Variants in NTRK1 observed in about 807,000 individuals in gnomAD.
NTRK1 encodes high affinity nerve growth factor receptor.
In NTRK1, 62 loss-of-function variants were observed where a neutral mutation model predicts 86.8. The observed-to-expected ratio is 0.71, with a 90% confidence interval of 0.58 to 0.88. NTRK1 has a LOEUF of 0.88. Among genes scored for constraint, NTRK1 ranks in the 40% least tolerant of loss-of-function variants. The pLI is 0.00. For synonymous variants in NTRK1, 469 were observed against 456.6 expected (o/e 1.03, Z -0.35); for missense variants, 967 against 1,078.4 (o/e 0.90, Z 1.45).
intron 16 of NTRK1, 55 bp from the exon 17 acceptor site, chr1:156,881,402 A>G: frequency 2.0e-6 from 3 of 1,531,652 alleles, no homozygotes; most frequent in Non-Finnish European, 2.6e-6. Context: ...GACTGGCCTC[A>G]CTCTCTTGCC....
chr1:156,875,962 C>A, intron 12 of NTRK1, 118 bp from the exon 13 acceptor site: 2 of 1,487,828 alleles, frequency 1.3e-6, no homozygotes, highest in African/African-American at 1.4e-5. Flanking sequence ...TTTTAGCCCC[C>A]ATGCAGTCCC....
At chr1:156,858,826 G>A, upstream of NTRK1, 2 of 597,344 alleles carry the variant, frequency 3.3e-6, no homozygotes, top group East Asian at 2.8e-5. Flanking sequence ...ACAGTGACAG[G>A]CAGTTGGAGA....
intron 1 of NTRK1, among the ~76,000 whole-genome samples, chr1:156,819,525 T>TTTATTA (rs1222051468): frequency 2.0e-5 from 3 of 148,586 alleles, no homozygotes; most frequent in African/African-American, 7.8e-5. Flanking sequence ...TATTTTTATT[T>TTTATTA]TTATTATTTT....
chr1:156,878,628 G>A (rs1025017424), intron 14 of NTRK1, among the ~76,000 whole-genome samples: 25 of 152,278 alleles, frequency 1.6e-4, no homozygotes, highest in South Asian at 8.3e-4. Flanking sequence ...GGGAGAAGGC[G>A]GGCATCCTGG....
upstream of NTRK1, chr1:156,858,479 G>C (rs891030123): frequency 7.5e-7 from 1 of 1,333,414 alleles, no homozygotes; most frequent in Non-Finnish European, 1.1e-6. Flanking sequence ...TCAGTTTTTT[G>C]GCCTCCCAGC....
intron 5 of NTRK1, 115 bp downstream of exon 5, chr1:156,868,364 G>A: frequency 6.5e-7 from 1 of 1,540,416 alleles, no homozygotes; most frequent in Non-Finnish European, 8.7e-7. Context: ...ACTGGCAAAG[G>A]CTGGGGGAAA....
intron 1 of NTRK1, among the ~76,000 whole-genome samples, chr1:156,817,310 T>C (rs1203339098): frequency 2.6e-5 from 4 of 152,030 alleles, no homozygotes; most frequent in African/African-American, 9.7e-5. Context: ...AGTCTGGGCA[T>C]GGTGGCTCAT....
chr1:156,869,008 T>C (rs1647363862), intron 6 of NTRK1, among the ~76,000 whole-genome samples: 1 of 42,730 alleles, frequency 2.3e-5, no homozygotes, highest in African/African-American at 9.1e-5. Flanking sequence ...CGTACATCAC[T>C]TTTCTCTCTC....
upstream of NTRK1, among the ~76,000 whole-genome samples, chr1:156,857,163 A>ATGTGTGTGTGTGTGTGTG (rs57324546): frequency 7.7e-6 from 1 of 130,536 alleles, no homozygotes; most frequent in Non-Finnish European, 1.7e-5. Flanking sequence ...GCAGCTGTGT[A>ATGTGTGTGTGTGTGTGTG]TGTGTGTGTG....
intron 1 of NTRK1, chr1:156,815,885 A>G: frequency 6.2e-7 from 1 of 1,613,964 alleles, no homozygotes; most frequent in African/African-American, 1.3e-5. Context: ...GCCCGTTGGC[A>G]GACCCGGATC....
chr1:156,880,426 C>G (rs1247153455), intron 16 of NTRK1: 1 of 538,042 alleles, frequency 1.9e-6, no homozygotes. Flanking sequence ...GCCCAGACCC[C>G]CATCCCTAGC....
At chr1:156,819,971 G>C (rs1027713433) in intron 1 of NTRK1, among the ~76,000 whole-genome samples, 1 of 152,092 alleles carries the variant, frequency 6.6e-6, no homozygotes, top group African/African-American at 2.4e-5. Context: ...AAGCTTTTTA[G>C]TTTAATTAGT....
chr1:156,876,736 C>A lies in NTRK1; in HGVS notation c.1805+164C>A, dbSNP rs185374666. Among the ~76,000 whole-genome samples, 109 of 152,230 alleles carry A rather than the reference C, an allele frequency of 7.2e-4. 1 individual carries two copies. In the Middle Eastern group the frequency reaches 0.024, roughly 33 times the overall value. ...GGGAGCTCTGAGATGGTAGAGGAGG[C>A]AGATGTGTGAACATAGGGGTGACTC... is the stretch of plus-strand genomic sequence containing the variant. On this transcript the variant is annotated intron_variant, in intron 14 of 16. Transcript: ENST00000524377.
chr1:156,844,764 T>C (rs746913409), intron 2 of NTRK1: 1 of 1,614,144 alleles, frequency 6.2e-7, no homozygotes. Context: ...TGGGGTCTGG[T>C]GGCTCGAGCC....
chr1:156,877,044 G>C (rs940223506), intron 14 of NTRK1, among the ~76,000 whole-genome samples: 1 of 152,014 alleles, frequency 6.6e-6, no homozygotes, highest in Non-Finnish European at 1.5e-5. Context: ...TAGAGTTGGG[G>C]TCTTGCTCTG....
At chr1:156,880,203 T>A (rs2102928155) in intron 16 of NTRK1, 46 bp downstream of exon 16, 11 of 1,604,334 alleles carry the variant, frequency 6.9e-6, no homozygotes, top group Non-Finnish European at 9.4e-6. Context: ...CCCCGTCCCA[T>A]GCCCCTTCAG....
intron 14 of NTRK1, among the ~76,000 whole-genome samples, chr1:156,878,612 G>A (rs974137834): frequency 3.9e-5 from 6 of 152,200 alleles, no homozygotes; most frequent in African/African-American, 9.7e-5. Context: ...CCGAGTGCTC[G>A]CTCTGGGGAG....
intron 6 of NTRK1, among the ~76,000 whole-genome samples, chr1:156,870,551 C>T (rs892216158): frequency 6.6e-6 from 1 of 152,148 alleles, no homozygotes; most frequent in African/African-American, 2.4e-5. Flanking sequence ...GCAGGGCTTC[C>T]CCTCGAAGTG....
At chr1:156,856,349 C>G (rs551426822), upstream of NTRK1, among the ~76,000 whole-genome samples, 2 of 152,262 alleles carry the variant, frequency 1.3e-5, no homozygotes, top group South Asian at 4.1e-4. Flanking sequence ...CTGAGCTTTG[C>G]AGGTCCCATG....
Sources: gnomAD v4.1 joint callset for allele counts (sites outside exome capture counted in the v4.1 genomes callset) on GRCh38, gnomAD v4.1.1 for gene constraint, MANE v1.5 for transcripts, NCBI Gene and HGNC (gene_info 2026-07-23, HGNC 2026-07-21) for gene names.